The following BTAF1 variants were observed in gnomAD, a reference collection of about 807,000 sequenced individuals.
BTAF1 encodes the protein TATA-binding protein-associated factor 172.
In BTAF1, 38 loss-of-function variants were observed where a neutral mutation model predicts 227.1. The observed-to-expected ratio is 0.17, with a 90% confidence interval of 0.13 to 0.22. The LOEUF is 0.22. BTAF1 is among the 10% of genes least tolerant of loss of function. BTAF1 has a pLI of 1.00. For synonymous variants in BTAF1, 742 were observed against 751.9 expected (o/e 0.99, Z 0.21); for missense variants, 1,598 against 2,204.0 (o/e 0.73, Z 5.51).
At chr10:91,971,566 G>A (rs567295867) in intron 14 of BTAF1, among the ~76,000 whole-genome samples, 16 of 150,882 alleles carry the variant, frequency 1.1e-4, no homozygotes, top group African/African-American at 3.7e-4. Flanking sequence ...GCTGCCTCCC[G>A]GGTTCAAACG....
chr10:91,956,352 C>T (rs371127024), intron 6 of BTAF1, among the ~76,000 whole-genome samples, 176 bp from the exon 7 acceptor site: 1 of 152,060 alleles, frequency 6.6e-6, no homozygotes, highest in African/African-American at 2.4e-5. Context: ...AGCAGTTAGT[C>T]GTTTGATACA....
intron 1 of BTAF1, among the ~76,000 whole-genome samples, chr10:91,926,530 C>T (rs1843842619): frequency 6.6e-6 from 1 of 152,170 alleles, no homozygotes; most frequent in Non-Finnish European, 1.5e-5. Context: ...TCTTTCTATA[C>T]CAGTTACCAC....
chr10:92,023,568 C>T (rs1851288308), intron 34 of BTAF1, among the ~76,000 whole-genome samples: 1 of 152,146 alleles, frequency 6.6e-6, no homozygotes, highest in African/African-American at 2.4e-5. Flanking sequence ...CCTGTAATCC[C>T]AGCTACTCAG....
rs1849243904 is a variant in BTAF1 at position 91,997,840 on chromosome 10, G to A, written c.3660+89G>A. ...AACCCTTTTTAGGGCCAGGTACAAA[G>A]GCTCATGCCTGTAATCCCAGCACTT... On this transcript the variant is annotated intron_variant, in intron 25 of 37. Coordinates refer to ENST00000265990, the MANE Select transcript of BTAF1 (RefSeq NM_003972.3). 9.7e-6 allele frequency: 13 copies of A among 1,340,694 alleles called. No individual in the cohort carries two copies. The South Asian group carries it at 1.6e-4, about 16-fold the overall frequency. The allele number at this position is 1,340,694 out of a possible 1,614,324, so 83.0% of individuals were successfully genotyped here. A position where few individuals can be genotyped will look rare whatever the true frequency, so the allele number is the denominator to read the frequency against.
intron 19 of BTAF1, among the ~76,000 whole-genome samples, chr10:91,985,371 GT>G (rs1467762597): frequency 1.3e-5 from 2 of 151,908 alleles, no homozygotes; most frequent in Admixed American, 1.3e-4. Flanking sequence ...ACCACAACTA[GT>G]TTAAGCCATT....
At chr10:91,939,220 G>A (rs1324067149) in intron 2 of BTAF1, among the ~76,000 whole-genome samples, 1 of 151,954 alleles carries the variant, frequency 6.6e-6, no homozygotes, top group Non-Finnish European at 1.5e-5. Context: ...ACTGTAAATG[G>A]CATGGTTTTC....
chr10:91,940,059 C>A lies in BTAF1; in HGVS notation c.246C>A (p.Thr82=). ...CTGAGTGGAATCCAGTGCCGAGAAC[C>A]AGACAAGGTGCTTTTAAGTGGAGAA... ...NVPEWNPVPR[T]RQEPTSESSM... is the part of the protein sequence containing the mutation. Residue 82 remains threonine, a synonymous_variant, in exon 3 of 38, where the codon ACC becomes ACA. Coordinates refer to ENST00000265990, the MANE Select transcript of BTAF1 (RefSeq NM_003972.3). 6.2e-7 allele frequency: 1 copy of A among 1,606,334 alleles called. No individual in the cohort carries two copies. The highest frequency in any genetic ancestry group is 1.3e-5 in the African/African-American group (1 of 74,842).
At chr10:92,021,201 G>A (rs1340421000) in intron 34 of BTAF1, among the ~76,000 whole-genome samples, 1 of 152,206 alleles carries the variant, frequency 6.6e-6, no homozygotes. Flanking sequence ...AAGTAGTGCT[G>A]GGAGAAGTAT....
In BTAF1 at chr10:91,975,009, A is replaced by G. The variant is rs543788091; in HGVS notation, c.1651-5445A>G. On this transcript the variant is annotated intron_variant, in intron 14 of 37. Coordinates refer to ENST00000265990, the MANE Select transcript of BTAF1 (RefSeq NM_003972.3). ...TTTAGCCAGTGTGTTTGTACGTGCT[A>G]GAGTACACCTATTAATATATATATC... Among the ~76,000 whole-genome samples the G allele has an allele frequency of 3.0e-3, 456 of 152,310 alleles. 8 individuals are homozygous for G. The highest frequency in any genetic ancestry group is 0.011 in the African/African-American group (445 of 41,566).
chr10:92,023,544 C>A (rs568182771), intron 34 of BTAF1, among the ~76,000 whole-genome samples: 1 of 151,984 alleles, frequency 6.6e-6, no homozygotes, highest in African/African-American at 2.4e-5. Flanking sequence ...ATTCACTGGG[C>A]GTGATGGCAG....
chr10:91,990,671 G>A (rs968469655), intron 20 of BTAF1, among the ~76,000 whole-genome samples: 1 of 152,084 alleles, frequency 6.6e-6, no homozygotes, highest in Non-Finnish European at 1.5e-5. Context: ...GTGCATGCCT[G>A]TATCCCAGCT....
At position 92,024,677 on chromosome 10, in the gene BTAF1, CAGAG is replaced by C; in HGVS notation, c.4864-76_4864-73del. 3.3e-6 allele frequency: 4 copies of C among 1,221,728 alleles called. No homozygotes were observed. In the South Asian group the frequency reaches 5.7e-5, roughly 17 times the overall value. 75.7% of individuals were successfully genotyped at this position (1,221,728 alleles called of 1,614,324 possible). ...AGGTACATTTAACCTTTTCTTGCCA[CAGAG>C]AGGAATGTCACAGTGAGATTAGTTT... On this transcript the variant is annotated intron_variant, in intron 34 of 37. Transcript: ENST00000265990.
At chr10:91,936,654 G>A (rs1844633898) in intron 2 of BTAF1, among the ~76,000 whole-genome samples, 1 of 152,202 alleles carries the variant, frequency 6.6e-6, no homozygotes, top group African/African-American at 2.4e-5. Flanking sequence ...TGGAGAGACA[G>A]TGATTTGATA....
chr10:91,989,886 C>G (rs1328653092), intron 20 of BTAF1, among the ~76,000 whole-genome samples: 1 of 152,142 alleles, frequency 6.6e-6, no homozygotes. Context: ...ATATGGTTTA[C>G]TGTATCAAGC....
chr10:91,946,601 A>T (rs561197614), intron 4 of BTAF1, among the ~76,000 whole-genome samples: 3 of 152,254 alleles, frequency 2.0e-5, no homozygotes. Flanking sequence ...AGCTGTACTA[A>T]TGGTGTGAAG....
At chr10:91,991,283 T>TATATATATATATATATATATATAAATAC (rs1157787906) in intron 20 of BTAF1, among the ~76,000 whole-genome samples, 1 of 124,888 alleles carries the variant, frequency 8.0e-6, no homozygotes, top group African/African-American at 2.6e-5. Context: ...TATATATATA[T>TATATATATATATATATATATATAAATAC]ATATATATAA....
intron 25 of BTAF1, among the ~76,000 whole-genome samples, chr10:92,005,070 C>T (rs908000012): frequency 1.5e-4 from 23 of 152,100 alleles, no homozygotes; most frequent in African/African-American, 5.6e-4. Context: ...TTTCTAGGCT[C>T]TCTAGTCTGT....
intron 30 of BTAF1, among the ~76,000 whole-genome samples, chr10:92,013,282 GGTT>G (rs551046866): frequency 3.3e-5 from 5 of 152,132 alleles, no homozygotes; most frequent in South Asian, 2.1e-4. Context: ...AATTCTAATA[GGTT>G]GTTGTTGTTG....
chr10:91,992,001 C>T, intron 20 of BTAF1, 118 bp from the exon 21 acceptor site: 1 of 690,010 alleles, frequency 1.4e-6, no homozygotes, highest in Non-Finnish European at 2.2e-6. Context: ...TGTCATTGGC[C>T]TATAAAAGTT....
Sources: gnomAD v4.1 joint callset for allele counts (sites outside exome capture counted in the v4.1 genomes callset) on GRCh38, gnomAD v4.1.1 for gene constraint, MANE v1.5 for transcripts, NCBI Gene and HGNC (gene_info 2026-07-23, HGNC 2026-07-21) for gene names.